The following TFDP2 variants were observed in gnomAD, a reference collection of about 807,000 sequenced individuals.
The protein encoded by TFDP2 is transcription factor Dp-2.
TFDP2 carries 17 observed loss-of-function variants against 59.3 expected under a neutral mutation model. That is an observed-to-expected ratio of 0.29 (90% CI 0.20 to 0.43). The LOEUF (loss-of-function observed/expected upper bound fraction) is 0.43. TFDP2 is among the 20% of genes least tolerant of loss of function. The probability of loss-of-function intolerance (pLI) is 1.00; values close to 1 mark genes in which losing one functional copy is unlikely to be tolerated. For missense variants in TFDP2, 391 were observed against 528.8 expected, an observed-to-expected ratio of 0.74 and a Z score of 2.56; for synonymous variants, 180 against 194.7, an observed-to-expected ratio of 0.92 and a Z score of 0.63.
chr3:142,101,789 A>G lies in TFDP2; in HGVS notation c.-40T>C. ...TATTTAAGATTCTGTAAAGCCATTA[A>G]AAAAATAAAAAGAAAAAAACCTTCG... On this transcript the variant is annotated 5_prime_UTR_variant, in exon 2 of 13. Transcript: ENST00000489671. 8.0e-7 allele frequency: 1 copy of G among 1,245,062 alleles called. No homozygotes were observed. Among genetic ancestry groups the G allele is most frequent in the Non-Finnish European group, 1.1e-6 (1 of 945,302 alleles). 77.1% of individuals were successfully genotyped at this position (1,245,062 alleles called of 1,614,324 possible). A position where few individuals can be genotyped will look rare whatever the true frequency, so the allele number is the denominator to read the frequency against.
chr3:142,053,099 C>T (rs1246805215), intron 3 of TFDP2, among the ~76,000 whole-genome samples: 5 of 152,218 alleles, frequency 3.3e-5, no homozygotes, highest in African/African-American at 4.8e-5. Context: ...TGAGCCACCG[C>T]GCCCAGCCCA....
intron 7 of TFDP2, among the ~76,000 whole-genome samples, chr3:141,976,707 G>A (rs1940689773): frequency 6.6e-6 from 1 of 152,044 alleles, no homozygotes; most frequent in African/African-American, 2.4e-5. Context: ...TGAGGTAATG[G>A]TGGGCAAGCT....
Position 141,978,404 on chromosome 3 carries a change from C to T in TFDP2, c.519+116G>A, listed in dbSNP as rs1576549536. ...AACTCAACAACAACAAAAAATCCCCCAAAATAAAGGATAAAACCCTCAAGT... is the reference window on the plus strand; with the variant it reads ...AACTCAACAACAACAAAAAATCCCCTAAAATAAAGGATAAAACCCTCAAGT... On this transcript the variant is annotated intron_variant, in intron 7 of 12. Coordinates refer to ENST00000489671, the MANE Select transcript of TFDP2 (RefSeq NM_001178139.2). 23 of 1,102,894 alleles carry T rather than the reference C, an allele frequency of 2.1e-5. No individual in the cohort carries two copies. In the South Asian group the frequency reaches 5.5e-4, roughly 26 times the overall value. The allele number at this position is 1,102,894 out of a possible 1,614,324, so 68.3% of individuals were successfully genotyped here.
At chr3:142,059,401 A>G (rs1489384122) in intron 3 of TFDP2, among the ~76,000 whole-genome samples, 1 of 152,198 alleles carries the variant, frequency 6.6e-6, no homozygotes, top group African/African-American at 2.4e-5. Context: ...TCAATGACCA[A>G]TGGTCAAAAT....
At position 141,973,434 on chromosome 3, in the gene TFDP2, T is replaced by C. The variant is rs556854561; in HGVS notation, c.663+614A>G. 2.0e-4 allele frequency among the ~76,000 whole-genome samples: 30 copies of C among 152,298 alleles called. No homozygotes were observed. In the South Asian group the frequency reaches 5.0e-3, roughly 25 times the overall value. ...ATTTATGGCCATGATAGTAAAATTA[T>C]GTCAAGTCAATTTAGAAACAGTATG... On this transcript the variant is annotated intron_variant, in intron 8 of 12. Coordinates refer to ENST00000489671, the MANE Select transcript of TFDP2 (RefSeq NM_001178139.2).
rs147031109 is a variant in TFDP2 at position 141,982,934 on chromosome 3, C to T, written c.357-4252G>A. ...ACTCGATTTAACTCTGATCCACAGT[C>T]CTTCATCTGAAAAATGCAGAATACA... On this transcript the variant is annotated intron_variant, in intron 6 of 12. Transcript: ENST00000489671. Among the ~76,000 whole-genome samples the T allele has an allele frequency of 3.2e-3, 490 of 152,276 alleles. 3 individuals carry two copies. Among genetic ancestry groups the T allele is most frequent in the African/African-American group, 0.011 (464 of 41,568 alleles).
chr3:142,148,119 GAA>G (rs397969650), intron 1 of TFDP2, among the ~76,000 whole-genome samples: 3 of 135,566 alleles, frequency 2.2e-5, no homozygotes, highest in African/African-American at 2.7e-5. Context: ...ACATGGCCCA[GAA>G]AAAAAAAAAA....
chr3:141,995,004 C>A lies in TFDP2; in HGVS notation c.308+16G>T. On this transcript the variant is annotated intron_variant, in intron 5 of 12. Coordinates refer to ENST00000489671, the MANE Select transcript of TFDP2 (RefSeq NM_001178139.2). ...TTTTTTAAGGTTTTAAAAATAGTAA[C>A]TTGCAACACTCTTACCCAGGGACCC... 6.5e-7 allele frequency: 1 copy of A among 1,538,870 alleles called. No individual in the cohort carries two copies. Among genetic ancestry groups the A allele is most frequent in the Non-Finnish European group, 8.7e-7 (1 of 1,144,604 alleles).
intron 1 of TFDP2, among the ~76,000 whole-genome samples, chr3:142,134,050 A>AAG (rs1560179863): frequency 2.0e-5 from 3 of 150,470 alleles, no homozygotes; most frequent in Non-Finnish European, 4.4e-5. Context: ...AGAAAAAAAA[A>AAG]AAGAAGAAGA....
In TFDP2 at chr3:142,065,777, C is replaced by T. The variant is rs554149637; in HGVS notation, c.82+27284G>A. On this transcript the variant is annotated intron_variant, in intron 3 of 12. Coordinates refer to ENST00000489671, the MANE Select transcript of TFDP2 (RefSeq NM_001178139.2). ...ATCTGCCTGCCTCGGCCTCTCAAAG[C>T]GCTGGGATTTGGACACCTGCCAAAG... 2.0e-5 allele frequency among the ~76,000 whole-genome samples: 3 copies of T among 151,966 alleles called. No individual in the cohort carries two copies. In the South Asian group the frequency reaches 6.2e-4, roughly 32 times the overall value.
At chr3:142,030,207 G>T (rs1946355959) in intron 3 of TFDP2, among the ~76,000 whole-genome samples, 3 of 152,148 alleles carry the variant, frequency 2.0e-5, no homozygotes, top group Admixed American at 1.3e-4. Flanking sequence ...ACAATACAGG[G>T]TGTAAATTAA....
At chr3:142,085,864 G>A (rs1167410204) in intron 3 of TFDP2, among the ~76,000 whole-genome samples, 3 of 152,098 alleles carry the variant, frequency 2.0e-5, no homozygotes, top group African/African-American at 4.8e-5. Flanking sequence ...AACAGAGAAT[G>A]GATGGGAAAT....
intron 3 of TFDP2, among the ~76,000 whole-genome samples, chr3:142,024,320 CTTGGTAGAAAGAAACAACAT>C (rs1310386618): frequency 6.6e-6 from 1 of 152,172 alleles, no homozygotes; most frequent in Non-Finnish European, 1.5e-5. Context: ...TTTCTTGAAA[CTTGGTAGAAAGAAACAACAT>C]AATTACATGA....
chr3:142,026,789 G>A (rs891487718), intron 3 of TFDP2, among the ~76,000 whole-genome samples: 10 of 152,048 alleles, frequency 6.6e-5, no homozygotes, highest in South Asian at 2.1e-4. Flanking sequence ...TTCATTACAC[G>A]CATAATGCTT....
At chr3:142,149,080 A>C in intron 1 of TFDP2, 103 bp downstream of exon 1, 1 of 394,850 alleles carries the variant, frequency 2.5e-6, no homozygotes. Flanking sequence ...GTGGGGGAAC[A>C]AGGGGGCCCC....
intron 3 of TFDP2, among the ~76,000 whole-genome samples, chr3:142,070,496 G>C (rs975077966): frequency 6.6e-6 from 1 of 152,046 alleles, no homozygotes; most frequent in Non-Finnish European, 1.5e-5. Context: ...GCCCAAGCTG[G>C]TCTTGAACTT....
chr3:142,128,571 T>G (rs1340851831), intron 1 of TFDP2, among the ~76,000 whole-genome samples: 1 of 151,606 alleles, frequency 6.6e-6, no homozygotes, highest in African/African-American at 2.4e-5. Flanking sequence ...CAAAGTTTAC[T>G]AAACAACTGA....
chr3:141,976,979 T>G (rs74572967), intron 7 of TFDP2, among the ~76,000 whole-genome samples: 4,408 of 150,606 alleles, frequency 0.029, 249 homozygotes, highest in African/African-American at 0.1. Flanking sequence ...TCTAAGGCAA[T>G]CCTTAGGTCA....
chr3:142,111,404 G>C (rs1048723246), intron 1 of TFDP2, among the ~76,000 whole-genome samples: 4 of 142,650 alleles, frequency 2.8e-5, no homozygotes, highest in Admixed American at 7.2e-5. Flanking sequence ...CTCCGGCCTG[G>C]CCGACAGAGT....
Sources: gnomAD v4.1 joint callset for allele counts (sites outside exome capture counted in the v4.1 genomes callset) on GRCh38, gnomAD v4.1.1 for gene constraint, MANE v1.5 for transcripts, NCBI Gene and HGNC (gene_info 2026-07-23, HGNC 2026-07-21) for gene names.